The following TBC1D10B variants were observed in gnomAD, a reference collection of about 807,000 sequenced individuals.
The protein encoded by TBC1D10B is TBC1 domain family member 10B.
In TBC1D10B, 25 loss-of-function variants were observed where a neutral mutation model predicts 78.4. That is an observed-to-expected ratio of 0.32 (90% CI 0.23 to 0.45). The LOEUF is 0.45. Among genes scored for constraint, TBC1D10B ranks in the 20% least tolerant of loss-of-function variants. The pLI, the probability that TBC1D10B is intolerant of heterozygous loss-of-function variation, is 1.00. For synonymous variants in TBC1D10B, 517 were observed against 478.0 expected (o/e 1.08, Z -1.06); for missense variants, 996 against 1,104.8 (o/e 0.90, Z 1.40).
rs989229030 is a variant in TBC1D10B at position 30,367,220 on chromosome 16, C to CA, written c.957-1627dup. Reference sequence around the variant, plus strand: ...AAAAACAAAACAAAACAAAACAAAACAAAAAAAACACCACCACCACCTACA... The same window carrying CA: ...AAAAACAAAACAAAACAAAACAAAACAAAAAAAAACACCACCACCACCTACA... On this transcript the variant is annotated intron_variant, in intron 1 of 8. Transcript: ENST00000409939. 20 of 151,780 alleles carry CA rather than the reference C, an allele frequency of 1.3e-4. 1 individual carries two copies. The highest frequency in any genetic ancestry group is 1.7e-4 in the African/African-American group (7 of 41,230). 9.4% of individuals were successfully genotyped at this position (151,780 alleles called of 1,614,324 possible).
chr16:30,369,869 G>C lies in TBC1D10B; in HGVS notation c.315C>G (p.Leu105=). Residue 105 remains leucine (L), a synonymous_variant, in exon 1 of 9, where the codon CTC becomes CTG. Coordinates refer to ENST00000409939, the MANE Select transcript of TBC1D10B (RefSeq NM_015527.4). This position sits in a 1 kb window ranked among gnomAD's most constrained non-coding sequence, Gnocchi z 4.3. Reference sequence around the variant, plus strand: ...GCTCTGGGGATTCCGGGCCGGAGGGGAGCTGCGGCTTTGGGGCTTCGGGCG... The same window carrying C: ...GCTCTGGGGATTCCGGGCCGGAGGGCAGCTGCGGCTTTGGGGCTTCGGGCG... ...EASPEAPKPQ[L]PSGPESPEPA... The C allele has an allele frequency of 1.4e-6, 2 of 1,401,320 alleles. No homozygotes were observed. Among genetic ancestry groups the C allele is most frequent in the South Asian group, 1.6e-5 (1 of 62,790 alleles). The allele number at this position is 1,401,320 out of a possible 1,614,324, so 86.8% of individuals were successfully genotyped here. A position where few individuals can be genotyped will look rare whatever the true frequency, so the allele number is the denominator to read the frequency against.
rs1029104434 is a variant in TBC1D10B, at chr16:30,365,918, T to C, written c.957-324A>G. ...CTAGCTTTACCATTTATTCATTGTG[T>C]GACCTTGGGCAAATCACTTAATTTT... On this transcript the variant is annotated intron_variant, in intron 1 of 8. Transcript: ENST00000409939. The surrounding 1 kb of genome is among the most constrained non-coding windows in gnomAD (Gnocchi z 5.0). The C allele has an allele frequency of 1.3e-5, 4 of 317,028 alleles. No individual in the cohort carries two copies. The Middle Eastern group carries it at 3.1e-3, about 245-fold the overall frequency. 19.6% of individuals were successfully genotyped at this position (317,028 alleles called of 1,614,324 possible).
intron 4 of TBC1D10B, among the ~76,000 whole-genome samples, chr16:30,361,640 G>A (rs1319125332): frequency 2.6e-5 from 4 of 151,740 alleles, no homozygotes; most frequent in African/African-American, 9.7e-5. Context: ...CCTGACCTCA[G>A]GTGATCCGCC....
At chr16:30,363,536 G>A (rs1050483552) in intron 4 of TBC1D10B, among the ~76,000 whole-genome samples, 3 of 151,830 alleles carry the variant, frequency 2.0e-5, no homozygotes, top group African/African-American at 4.8e-5. Context: ...CAGGCGGATC[G>A]CTTGAGCCCA....
chr16:30,369,404 T>C lies in TBC1D10B; in HGVS notation c.780A>G (p.Arg260=). Residue 260 remains arginine, a synonymous_variant, in exon 1 of 9, where the codon CGA becomes CGG. Transcript: ENST00000409939. The surrounding 1 kb of genome is among the most constrained non-coding windows in gnomAD (Gnocchi z 4.3). ...SSLGPGISGP[R]GQAPDTLSYL... is the part of the protein sequence containing the mutation. ...AACTCAGCGTGTCCGGGGCCTGCCC[T>C]CGAGGCCCAGAGATGCCAGGTCCCA... 1 of 1,581,812 alleles carries C rather than the reference T, an allele frequency of 6.3e-7. No homozygotes were observed. The highest frequency in any genetic ancestry group is 8.6e-7 in the Non-Finnish European group (1 of 1,164,142).
At position 30,359,165 on chromosome 16, in the gene TBC1D10B, GA is replaced by G; in HGVS notation, c.1642+6del. Reference sequence around the variant, plus strand: ...GCCCCTCATGGCCTGGAGGGCCACAGAAGTACCTTCACAGAAAAACATGTCC... The same window carrying G: ...GCCCCTCATGGCCTGGAGGGCCACAGAGTACCTTCACAGAAAAACATGTCC... On this transcript the variant is annotated splice_donor_region_variant and intron_variant, in intron 7 of 8. Coordinates refer to ENST00000409939, the MANE Select transcript of TBC1D10B (RefSeq NM_015527.4). The G allele has an allele frequency of 7.5e-6, 12 of 1,606,808 alleles. No homozygotes were observed. Among genetic ancestry groups the G allele is most frequent in the Non-Finnish European group, 1.0e-5 (12 of 1,176,794 alleles).
In TBC1D10B at chr16:30,357,178, A is replaced by C. The variant is rs1354186489; in HGVS notation, c.*766T>G. 6.5e-6 allele frequency: 1 copy of C among 152,854 alleles called. No homozygotes were observed. Among genetic ancestry groups the C allele is most frequent in the Non-Finnish European group, 1.5e-5 (1 of 68,218 alleles). The allele number at this position is 152,854 out of a possible 1,614,324, so 9.5% of individuals were successfully genotyped here. On this transcript the variant is annotated 3_prime_UTR_variant, in exon 9 of 9. Transcript: ENST00000409939. ...GGGGGCAGAGACAGAAGAGAATGTA[A>C]ACATTGGGTTCCACCCCCTGGAGCT...
chr16:30,368,098 G>T (rs1165857441), intron 1 of TBC1D10B: 1 of 152,158 alleles, frequency 6.6e-6, no homozygotes, highest in Non-Finnish European at 1.5e-5. Flanking sequence ...AAGCACCAGG[G>T]TCAAACCTCA....
At chr16:30,363,221 G>A (rs534016633) in intron 4 of TBC1D10B, among the ~76,000 whole-genome samples, 2 of 151,912 alleles carry the variant, frequency 1.3e-5, no homozygotes, top group East Asian at 3.9e-4. Flanking sequence ...CCTTTGACTC[G>A]ACCTTCAAAA....
In TBC1D10B at chr16:30,358,115, C is replaced by A. The variant is rs559142479; in HGVS notation, c.2256G>T (p.Glu752Asp). The A allele has an allele frequency of 7.1e-6, 11 of 1,551,490 alleles. No individual in the cohort carries two copies. The South Asian group carries it at 1.1e-4, about 15-fold the overall frequency. Residue 752 changes from glutamate (E) to aspartate (D), a missense_variant, in exon 9 of 9, where the codon GAG becomes GAT. Around this residue, in one of 5 missense-constraint regions of TBC1D10B, gnomAD observed 285 missense variants for 252.5 expected, o/e 1.13. Coordinates refer to ENST00000409939, the MANE Select transcript of TBC1D10B (RefSeq NM_015527.4). ...CTCGCTCCTTTTCCTGCTTCTCTCGCTCTTTCTCCTGCTTCTGCCGCTCCT... is the reference window on the plus strand; with the variant it reads ...CTCGCTCCTTTTCCTGCTTCTCTCGATCTTTCTCCTGCTTCTGCCGCTCCT... ...REKERQKQEK[E>D]REKQEKEREK...
rs1039635504 is a variant in TBC1D10B, at chr16:30,369,878, C to T, written c.306G>A (p.Lys102=). Reference sequence around the variant, plus strand: ...ATTCCGGGCCGGAGGGGAGCTGCGGCTTTGGGGCTTCGGGCGAGGCCTCCA... The same window carrying T: ...ATTCCGGGCCGGAGGGGAGCTGCGGTTTTGGGGCTTCGGGCGAGGCCTCCA... ...LTLEASPEAP[K]PQLPSGPESP... Residue 102 remains lysine, a synonymous_variant, in exon 1 of 9, where the codon AAG becomes AAA. Transcript: ENST00000409939. The surrounding 1 kb of genome is among the most constrained non-coding windows in gnomAD (Gnocchi z 4.3). The T allele has an allele frequency of 1.6e-5, 22 of 1,396,358 alleles. No individual in the cohort carries two copies. The highest frequency in any genetic ancestry group is 2.0e-5 in the Non-Finnish European group (22 of 1,078,806). 86.5% of individuals were successfully genotyped at this position (1,396,358 alleles called of 1,614,324 possible).
intron 1 of TBC1D10B, among the ~76,000 whole-genome samples, chr16:30,368,265 G>C (rs966814244): frequency 6.6e-6 from 1 of 152,134 alleles, no homozygotes; most frequent in Non-Finnish European, 1.5e-5. Context: ...TACTCTCCAC[G>C]ATTCAGAGCA....
rs1480826191 is a variant in TBC1D10B, at chr16:30,365,722, A to G, written c.957-128T>C. The G allele has an allele frequency of 2.3e-6, 2 of 861,918 alleles. No homozygotes were observed. Among genetic ancestry groups the G allele is most frequent in the African/African-American group, 1.7e-5 (1 of 60,274 alleles). The allele number at this position is 861,918 out of a possible 1,614,324, so 53.4% of individuals were successfully genotyped here. ...CTGGATAGTCTGTGAGCTGCCAAACATCAGGATGTCTGGCCACTTGGGCAT... is the reference window on the plus strand; with the variant it reads ...CTGGATAGTCTGTGAGCTGCCAAACGTCAGGATGTCTGGCCACTTGGGCAT... On this transcript the variant is annotated intron_variant, in intron 1 of 8. Coordinates refer to ENST00000409939, the MANE Select transcript of TBC1D10B (RefSeq NM_015527.4). This position sits in a 1 kb window ranked among gnomAD's most constrained non-coding sequence, Gnocchi z 5.0.
In TBC1D10B at chr16:30,365,275, A is replaced by G. The variant is rs2049628017; in HGVS notation, c.1057-63T>C. 5 of 1,473,304 alleles carry G rather than the reference A, an allele frequency of 3.4e-6. No individual in the cohort carries two copies. The Admixed American group carries it at 8.5e-5, about 25-fold the overall frequency. 91.3% of individuals were successfully genotyped at this position (1,473,304 alleles called of 1,614,324 possible). On this transcript the variant is annotated intron_variant, in intron 2 of 8. Transcript: ENST00000409939. The surrounding 1 kb of genome is among the most constrained non-coding windows in gnomAD (Gnocchi z 5.0). ...CTGGCACAGCCTCCAACCTTTCCCC[A>G]GCAGTCCACAAACTCCCTGGATACT... is the stretch of plus-strand genomic sequence containing the variant.
rs2049630768 is a variant in TBC1D10B, at chr16:30,365,675, C to T, written c.957-81G>A. The T allele has an allele frequency of 2.3e-6, 3 of 1,306,538 alleles. No individual in the cohort carries two copies. The highest frequency in any genetic ancestry group is 2.9e-5 in the African/African-American group (2 of 69,050). The allele number at this position is 1,306,538 out of a possible 1,614,324, so 80.9% of individuals were successfully genotyped here. On this transcript the variant is annotated intron_variant, in intron 1 of 8. Coordinates refer to ENST00000409939, the MANE Select transcript of TBC1D10B (RefSeq NM_015527.4). The surrounding 1 kb of genome is among the most constrained non-coding windows in gnomAD (Gnocchi z 5.0). ...TGCAGGGGGAACTGAGGCAAGCCAC[C>T]TCCCCAAGCTCAAACGAGAAACTGG...
In TBC1D10B at chr16:30,357,528, G is replaced by A. The variant is rs913861168; in HGVS notation, c.*416C>T. On this transcript the variant is annotated 3_prime_UTR_variant, in exon 9 of 9. Transcript: ENST00000409939. The stretch of plus-strand genomic sequence containing the variant: ...CCAGAATGAGAGCCCTGGCCAGGAA[G>A]TGGGGGAGACAGGGAGGGCTGAAGA... 6 of 224,748 alleles carry A rather than the reference G, an allele frequency of 2.7e-5. No individual in the cohort carries two copies. The highest frequency in any genetic ancestry group is 1.5e-4 in the Admixed American group (3 of 19,566). 13.9% of individuals were successfully genotyped at this position (224,748 alleles called of 1,614,324 possible). A position where few individuals can be genotyped will look rare whatever the true frequency, so the allele number is the denominator to read the frequency against.
At chr16:30,360,040 C>G (rs1311602606) in intron 4 of TBC1D10B, 199 bp from the exon 5 acceptor site, 1 of 578,044 alleles carries the variant, frequency 1.7e-6, no homozygotes, top group South Asian at 2.1e-5. Flanking sequence ...CTACATACTC[C>G]ACATGCTCCT....
In TBC1D10B at chr16:30,369,257, GA is replaced by G. The variant is rs1212711996; in HGVS notation, c.926del (p.Phe309SerfsTer11). The G allele has an allele frequency of 6.3e-7, 1 of 1,585,526 alleles. No homozygotes were observed. The highest frequency in any genetic ancestry group is 8.6e-7 in the Non-Finnish European group (1 of 1,166,844). On this transcript the variant is annotated frameshift_variant, in exon 1 of 9. Coordinates refer to ENST00000409939, the MANE Select transcript of TBC1D10B (RefSeq NM_015527.4). LOFTEE classifies it high-confidence loss of function. The surrounding 1 kb of genome is among the most constrained non-coding windows in gnomAD (Gnocchi z 4.3). Reference sequence around the variant, plus strand: ...TGCCCGAGTACTGGCTGCCCCCAAGGAAGCCATACTTGTCCGTCTTGCGCAG... The same window carrying G: ...TGCCCGAGTACTGGCTGCCCCCAAGGAGCCATACTTGTCCGTCTTGCGCAG... ...LALRKTDKYGFLGGSQYSGSL... is the reference protein window; with the variant it reads ...LALRKTDKYGXLGGSQYSGSL...
At chr16:30,367,100 A>AG (rs1478824289) in intron 1 of TBC1D10B, 1 of 152,500 alleles carries the variant, frequency 6.6e-6, no homozygotes, top group Non-Finnish European at 1.5e-5. Context: ...AGGCTGAGGC[A>AG]GGAGAATTGC....
Sources: gnomAD v4.1 joint callset for allele counts (sites outside exome capture counted in the v4.1 genomes callset) on GRCh38, gnomAD v4.1.1 for gene constraint, gnomAD v4.1.1 regional missense constraint, Gnocchi (gnomAD v3.1) non-coding constraint, MANE v1.5 for transcripts, NCBI Gene and HGNC (gene_info 2026-07-23, HGNC 2026-07-21) for gene names.